Variants in RALYL observed in about 807,000 individuals in gnomAD.
RALYL encodes RALY RNA binding protein like.
RALYL carries 29 observed loss-of-function variants against 35.1 expected under a neutral mutation model. The observed-to-expected ratio is 0.83, with a 90% confidence interval of 0.61 to 1.13. The LOEUF is 1.13. RALYL is among the 50% of genes most tolerant of loss of function. The pLI, the probability that RALYL is intolerant of heterozygous loss-of-function variation, is 0.00. For missense variants in RALYL, 359 were observed against 360.4 expected (o/e 1.00, Z 0.03); for synonymous variants, 120 against 127.6 (o/e 0.94, Z 0.40).
intron 4 of RALYL, among the ~76,000 whole-genome samples, chr8:84,826,567 A>G (rs1829756562): frequency 6.6e-6 from 1 of 152,100 alleles, no homozygotes; most frequent in South Asian, 2.1e-4. Context: ...ACTGCTCTCT[A>G]TTTGGGAATT....
chr8:84,476,879 C>A (rs1352377771), intron 1 of RALYL, among the ~76,000 whole-genome samples: 1 of 152,164 alleles, frequency 6.6e-6, no homozygotes, highest in African/African-American at 2.4e-5. Context: ...AATAACTACA[C>A]TTGGGGCTCA....
rs190167455 is a variant in RALYL at position 84,433,943 on chromosome 8, C to A, written c.-23-95356C>A. Among the ~76,000 whole-genome samples, 449 of 151,532 alleles carry A rather than the reference C, an allele frequency of 3.0e-3. 3 individuals are homozygous for A. Among genetic ancestry groups the A allele is most frequent in the African/African-American group, 9.6e-3 (395 of 41,298 alleles). On this transcript the variant is annotated intron_variant, in intron 1 of 8. Transcript: ENST00000521268. ...CATACTGAAATTTGTTTGTGGGTAC[C>A]TCAATTGGTCAGCTTAATGATGTCT...
intron 2 of RALYL, among the ~76,000 whole-genome samples, chr8:84,744,320 G>A (rs1808101724): frequency 6.6e-6 from 1 of 151,932 alleles, no homozygotes; most frequent in Non-Finnish European, 1.5e-5. Flanking sequence ...TAGGTACAGG[G>A]AAGCAGTCTG....
At chr8:84,837,902 C>G (rs1832356042) in intron 4 of RALYL, among the ~76,000 whole-genome samples, 1 of 152,158 alleles carries the variant, frequency 6.6e-6, no homozygotes, top group Non-Finnish European at 1.5e-5. Context: ...TGCTTCCAAG[C>G]AATAGAAACC....
At chr8:84,902,994 G>A (rs1161357570) in intron 8 of RALYL, among the ~76,000 whole-genome samples, 2 of 152,094 alleles carry the variant, frequency 1.3e-5, no homozygotes, top group Non-Finnish European at 2.9e-5. Context: ...CAAAGTAGGA[G>A]GATCACTTGG....
chr8:84,766,113 G>A (rs1350759245), intron 2 of RALYL, among the ~76,000 whole-genome samples: 2 of 151,932 alleles, frequency 1.3e-5, no homozygotes, highest in Non-Finnish European at 2.9e-5. Flanking sequence ...TTAAAATGAG[G>A]GTACTCCAAG....
intron 4 of RALYL, among the ~76,000 whole-genome samples, chr8:84,835,434 G>A (rs1404965708): frequency 6.7e-6 from 1 of 149,116 alleles, no homozygotes; most frequent in African/African-American, 2.5e-5. Flanking sequence ...TTGGCAGGCC[G>A]AGGTGAGCGG....
intron 2 of RALYL, among the ~76,000 whole-genome samples, chr8:84,699,100 A>C (rs1839750011): frequency 6.6e-6 from 1 of 152,128 alleles, no homozygotes; most frequent in Non-Finnish European, 1.5e-5. Flanking sequence ...TAGATAGATA[A>C]GTGTATACAT....
chr8:84,555,204 G>T (rs555877578), intron 2 of RALYL, among the ~76,000 whole-genome samples: 1 of 152,214 alleles, frequency 6.6e-6, no homozygotes, highest in African/African-American at 2.4e-5. Context: ...GCTTGAACCC[G>T]GGAGGCAGAG....
chr8:84,366,465 G>A (rs1854292698), intron 1 of RALYL, among the ~76,000 whole-genome samples: 1 of 152,096 alleles, frequency 6.6e-6, no homozygotes, highest in Admixed American at 6.6e-5. Flanking sequence ...AAATATCAGA[G>A]ATGGAAAAGG....
intron 4 of RALYL, among the ~76,000 whole-genome samples, chr8:84,812,579 A>G (rs115314881): frequency 0.021 from 3,128 of 152,234 alleles, 102 homozygotes; most frequent in African/African-American, 0.072. Context: ...GTCCGAGCTC[A>G]GGCTCTCCTT....
intron 2 of RALYL, among the ~76,000 whole-genome samples, chr8:84,586,725 A>T (rs979284565): frequency 1.3e-5 from 2 of 152,214 alleles, no homozygotes; most frequent in Admixed American, 1.3e-4. Context: ...GCTGATTTCT[A>T]TATATTCCTA....
At chr8:84,475,515 T>C (rs930997127) in intron 1 of RALYL, among the ~76,000 whole-genome samples, 2 of 152,202 alleles carry the variant, frequency 1.3e-5, no homozygotes, top group Admixed American at 6.5e-5. Context: ...TAATATAAAA[T>C]TTTTGAAGGC....
chr8:84,337,468 C>G (rs1301683385), intron 1 of RALYL, among the ~76,000 whole-genome samples: 1 of 151,764 alleles, frequency 6.6e-6, no homozygotes, highest in Non-Finnish European at 1.5e-5. Flanking sequence ...CATGTAGATA[C>G]AATTATATTG....
In RALYL at chr8:84,917,483, TTC is replaced by T. The variant is rs1451084896; in HGVS notation, c.859-3407_859-3406del. 4.6e-5 allele frequency among the ~76,000 whole-genome samples: 7 copies of T among 151,710 alleles called. 1 individual carries two copies. In the East Asian group the frequency reaches 5.8e-4, roughly 13 times the overall value. ...CTTTGTGTTACAAACAATTTAATTA[TTC>T]TCTTTTAGTTATATTAAAATGTGCA... On this transcript the variant is annotated intron_variant, in intron 8 of 8. Coordinates refer to ENST00000521268, the MANE Select transcript of RALYL (RefSeq NM_173848.7).
intron 4 of RALYL, among the ~76,000 whole-genome samples, chr8:84,816,625 A>C (rs1827355692): frequency 6.6e-6 from 1 of 152,144 alleles, no homozygotes; most frequent in African/African-American, 2.4e-5. Flanking sequence ...AGAATACATC[A>C]CTGGGGCAGG....
intron 2 of RALYL, among the ~76,000 whole-genome samples, chr8:84,718,886 G>T (rs939319838): frequency 1.3e-5 from 2 of 152,140 alleles, no homozygotes; most frequent in African/African-American, 4.8e-5. Flanking sequence ...ATCTCACCTT[G>T]CATATTTCAG....
chr8:84,903,774 A>G lies in RALYL; in HGVS notation c.858+15998A>G, dbSNP rs1239967647. Among the ~76,000 whole-genome samples, 5 of 152,286 alleles carry G rather than the reference A, an allele frequency of 3.3e-5. No homozygotes were observed. The East Asian group carries it at 9.7e-4, about 29-fold the overall frequency. On this transcript the variant is annotated intron_variant, in intron 8 of 8. Coordinates refer to ENST00000521268, the MANE Select transcript of RALYL (RefSeq NM_173848.7). ...ACTCTTCTAAGATTCTGAGAGGCAA[A>G]CAAGTCTTTCCCGTCTTGTAAATTA...
At chr8:84,451,784 G>A (rs2049504701) in intron 1 of RALYL, among the ~76,000 whole-genome samples, 1 of 151,988 alleles carries the variant, frequency 6.6e-6, no homozygotes, top group Non-Finnish European at 1.5e-5. Context: ...ATTGCCTTAT[G>A]GCTAAGAGTT....
Sources: gnomAD v4.1 joint callset for allele counts (sites outside exome capture counted in the v4.1 genomes callset) on GRCh38, gnomAD v4.1.1 for gene constraint, MANE v1.5 for transcripts, NCBI Gene and HGNC (gene_info 2026-07-23, HGNC 2026-07-21) for gene names.